Variants in GPM6B observed in about 807,000 individuals in gnomAD.
GPM6B encodes the protein neuronal membrane glycoprotein M6-b.
Under a neutral mutation model 27.2 loss-of-function variants are expected in GPM6B, and 4 were observed. The observed-to-expected ratio is 0.15, with a 90% CI of 0.07 to 0.34. GPM6B has a LOEUF of 0.34. GPM6B is among the 10% of genes least tolerant of loss of function. GPM6B has a pLI of 1.00. For missense variants in GPM6B, 183 were observed against 261.9 expected (o/e 0.70, Z 2.08); for synonymous variants, 124 against 103.1 (o/e 1.20, Z -1.23).
At chrX:13,804,791 A>G (rs1329004570) in intron 2 of GPM6B, among the ~76,000 whole-genome samples, 1 of 78,409 alleles carries the variant, frequency 1.3e-5, no homozygotes, top group African/African-American at 5.2e-5. Flanking sequence ...CAACTCTGCA[A>G]AAAAATTAAT....
chrX:13,879,979 A>C (rs765580857), intron 1 of GPM6B, among the ~76,000 whole-genome samples: 3 of 112,242 alleles, frequency 2.7e-5, no homozygotes, highest in Non-Finnish European at 5.6e-5. Flanking sequence ...TGGAGGAATC[A>C]GAGCCTGCCT....
chrX:13,816,940 C>T lies in GPM6B; in HGVS notation c.-36G>A, dbSNP rs1216263360. The T allele has an allele frequency of 1.2e-5, 14 of 1,172,186 alleles. No homozygotes were observed. The highest frequency in any genetic ancestry group is 2.5e-4 in the Middle Eastern group (1 of 3,954). On this transcript the variant is annotated 5_prime_UTR_variant, in exon 1 of 8. Coordinates refer to ENST00000316715, the MANE Select transcript of GPM6B (RefSeq NM_001001995.3). ...AAAAATGCTTTTCCCCCTGTTCCCCCCAACACACACTTGTTTTTCCTCCTC... is the reference window on the plus strand; with the variant it reads ...AAAAATGCTTTTCCCCCTGTTCCCCTCAACACACACTTGTTTTTCCTCCTC...
At chrX:13,803,122 T>G (rs956400618) in intron 2 of GPM6B, among the ~76,000 whole-genome samples, 1 of 111,775 alleles carries the variant, frequency 8.9e-6, no homozygotes, top group Non-Finnish European at 1.9e-5. Context: ...TTCCCAGGAC[T>G]TATAGCTACA....
chrX:13,802,974 G>A (rs948670631), intron 2 of GPM6B, among the ~76,000 whole-genome samples: 5 of 111,998 alleles, frequency 4.5e-5, no homozygotes, highest in Middle Eastern at 4.2e-3. Flanking sequence ...AATGGTACAC[G>A]CAGAAGGATT....
intron 2 of GPM6B, among the ~76,000 whole-genome samples, chrX:13,793,942 C>T (rs1194805364): frequency 9.0e-6 from 1 of 111,498 alleles, no homozygotes; most frequent in Non-Finnish European, 1.9e-5. Context: ...CTTTTTTAAC[C>T]GCTTAGAATA....
intron 2 of GPM6B, among the ~76,000 whole-genome samples, chrX:13,790,511 A>G (rs977653346): frequency 1.8e-5 from 2 of 111,415 alleles, no homozygotes; most frequent in African/African-American, 6.5e-5. Context: ...TGAGAAGCCC[A>G]TTTCTAGTCA....
chrX:13,851,296 G>A (rs895519978), intron 1 of GPM6B, among the ~76,000 whole-genome samples: 3 of 110,967 alleles, frequency 2.7e-5, no homozygotes, highest in East Asian at 5.6e-4. Context: ...TTTCACCTCT[G>A]CCACTTACCA....
At chrX:13,807,089 G>A (rs1006948851) in intron 2 of GPM6B, among the ~76,000 whole-genome samples, 3 of 112,243 alleles carry the variant, frequency 2.7e-5, no homozygotes, top group Non-Finnish European at 5.6e-5. Flanking sequence ...AATGGAAACC[G>A]GACCCACTGA....
In GPM6B at chrX:13,785,731, C is replaced by T; in HGVS notation, c.259G>A (p.Gly87Arg). 1 of 1,210,932 alleles carries T rather than the reference C, an allele frequency of 8.3e-7. No homozygotes were observed. The highest frequency in any genetic ancestry group is 1.1e-6 in the Non-Finnish European group (1 of 894,636). The change falls in exon 3 of 8, where the codon GGG becomes AGG. Residue 87 changes from glycine to arginine, a missense_variant. Transcript: ENST00000316715. ...CCACAGCCGCAGAATAAGGCCACCC[C>T]GGAGAAGCAGAGGATGGTGGCCACC... ...SLVATILCFS[G>R]VALFCGCGHV...
intron 1 of GPM6B, among the ~76,000 whole-genome samples, chrX:13,834,012 A>G (rs2049470046): frequency 8.9e-6 from 1 of 112,613 alleles, no homozygotes; most frequent in Admixed American, 9.4e-5. Context: ...GAGTCAAACA[A>G]CCTAGGATTT....
chrX:13,912,567 C>T (rs755416185), intron 1 of GPM6B, among the ~76,000 whole-genome samples: 1 of 101,302 alleles, frequency 9.9e-6, no homozygotes, highest in Non-Finnish European at 2.0e-5. Flanking sequence ...ATAGATACAA[C>T]TGGAAAAAGG....
In GPM6B at chrX:13,814,670, G is replaced by A. The variant is rs1030189860; in HGVS notation, c.61+2174C>T. On this transcript the variant is annotated intron_variant, in intron 1 of 7. Coordinates refer to ENST00000316715, the MANE Select transcript of GPM6B (RefSeq NM_001001995.3). The stretch of plus-strand genomic sequence containing the variant: ...CTTAATGATGATGGGTGAGCAAATT[G>A]GGAAACTACAAAGTGTCTTGTGTGG... 6.2e-5 allele frequency among the ~76,000 whole-genome samples: 7 copies of A among 112,053 alleles called. No individual in the cohort carries two copies. In the Admixed American group the frequency reaches 6.6e-4, roughly 11 times the overall value.
intron 1 of GPM6B, among the ~76,000 whole-genome samples, chrX:13,824,788 T>C (rs185796367): frequency 5.1e-4 from 57 of 112,006 alleles, no homozygotes; most frequent in Admixed American, 1.3e-3. Flanking sequence ...GGGTGATGTA[T>C]TGGTTTTCTG....
intron 2 of GPM6B, among the ~76,000 whole-genome samples, chrX:13,797,872 CGGGTGAGAAA>C (rs2048846157): frequency 9.0e-6 from 1 of 111,367 alleles, no homozygotes; most frequent in Admixed American, 9.5e-5. Context: ...ATTTTCTATT[CGGGTGAGAAA>C]GGGTGAGAGA....
intron 2 of GPM6B, among the ~76,000 whole-genome samples, chrX:13,789,835 C>T (rs1025201640): frequency 2.7e-5 from 3 of 109,712 alleles, no homozygotes; most frequent in South Asian, 7.8e-4. Context: ...GAAGCCACTG[C>T]GTTTTTTTTT....
chrX:13,808,549 A>G (rs1329739688), intron 1 of GPM6B, among the ~76,000 whole-genome samples: 1 of 112,145 alleles, frequency 8.9e-6, no homozygotes, highest in Non-Finnish European at 1.9e-5. Context: ...CATAAAAGTT[A>G]GTTGAATTAC....
intron 1 of GPM6B, among the ~76,000 whole-genome samples, chrX:13,862,757 G>C (rs1240791586): frequency 1.8e-5 from 2 of 111,362 alleles, no homozygotes; most frequent in East Asian, 5.6e-4. Flanking sequence ...CACAATCACG[G>C]CTCACTACAG....
intron 1 of GPM6B, among the ~76,000 whole-genome samples, chrX:13,920,061 C>T (rs1444633603): frequency 2.7e-5 from 3 of 109,243 alleles, no homozygotes; most frequent in East Asian, 2.8e-4. Context: ...TTCAGGAGTT[C>T]GAGACCAGCC....
chrX:13,825,275 G>T (rs2049359509), intron 1 of GPM6B, among the ~76,000 whole-genome samples: 1 of 112,219 alleles, frequency 8.9e-6, no homozygotes, highest in African/African-American at 3.2e-5. Flanking sequence ...GAAGCCATGT[G>T]GGTGGTGTCT....
Sources: allele counts gnomAD v4.1 joint callset (sites outside exome capture counted in the v4.1 genomes callset), GRCh38; gene constraint gnomAD v4.1.1; transcripts MANE v1.5; gene names NCBI Gene and HGNC (gene_info 2026-07-23, HGNC 2026-07-21).